Variants in EPB41L2 observed in about 807,000 individuals in gnomAD.
EPB41L2 encodes the protein erythrocyte membrane protein band 4.1 like 2.
EPB41L2 carries 43 observed loss-of-function variants against 113.0 expected under a neutral mutation model. The observed-to-expected ratio is 0.38, with a 90% confidence interval of 0.30 to 0.49. EPB41L2 has a LOEUF of 0.49. Ranked by LOEUF, EPB41L2 falls within the 20% of genes least tolerant of loss-of-function variation. The pLI is 0.95. For synonymous variants in EPB41L2, 442 were observed against 436.7 expected (o/e 1.01, Z -0.15); for missense variants, 1,147 against 1,223.4 (o/e 0.94, Z 0.93).
intron 1 of EPB41L2, among the ~76,000 whole-genome samples, chr6:131,027,221 GT>G (rs534725047): frequency 2.6e-5 from 4 of 152,070 alleles, no homozygotes; most frequent in Admixed American, 1.3e-4. Flanking sequence ...GGAGTTATTG[GT>G]TTTTTTGTTT....
intron 4 of EPB41L2, among the ~76,000 whole-genome samples, chr6:130,922,751 A>G (rs1001542761): frequency 8.5e-5 from 13 of 152,214 alleles, no homozygotes; most frequent in African/African-American, 2.6e-4. Context: ...GAATATTTGC[A>G]AGGTAAAAGC....
At chr6:130,976,542 T>C (rs1778247887) in intron 1 of EPB41L2, among the ~76,000 whole-genome samples, 1 of 152,188 alleles carries the variant, frequency 6.6e-6, no homozygotes, top group African/African-American at 2.4e-5. Flanking sequence ...CCCAGATTTT[T>C]ACAAGGGGTA....
intron 4 of EPB41L2, 126 bp from the exon 5 acceptor site, chr6:130,908,989 C>G: frequency 1.5e-6 from 1 of 689,596 alleles, no homozygotes; most frequent in African/African-American, 1.8e-5. Flanking sequence ...GCAACTTGCA[C>G]CTATCAGCAT....
In EPB41L2 at chr6:130,955,239, T is replaced by C; in HGVS notation, c.571A>G (p.Lys191Glu). ...QEDKLEGGAA[K>E]RETKEVQTNE... The stretch of plus-strand genomic sequence containing the variant: ...GTCTGCACTTCCTTGGTCTCCCTTT[T>C]TGCTGCTCCTCCTTCTAATTTGTCT... Residue 191 changes from lysine to glutamate, a missense_variant, in exon 3 of 20, where the codon AAA becomes GAA. Transcript: ENST00000337057. 6.2e-7 allele frequency: 1 copy of C among 1,614,176 alleles called. No homozygotes were observed. The highest frequency in any genetic ancestry group is 8.5e-7 in the Non-Finnish European group (1 of 1,180,018).
chr6:130,881,999 A>G (rs754326578), intron 12 of EPB41L2: 3 of 152,220 alleles, frequency 2.0e-5, no homozygotes, highest in Non-Finnish European at 2.9e-5. Context: ...TTACAGATAC[A>G]TCCTCATAGA....
At chr6:130,892,428 T>C (rs1793263653) in intron 10 of EPB41L2, among the ~76,000 whole-genome samples, 1 of 150,320 alleles carries the variant, frequency 6.7e-6, no homozygotes, top group African/African-American at 2.4e-5. Context: ...TTTTTATCAT[T>C]ATGTGACAGG....
intron 1 of EPB41L2, among the ~76,000 whole-genome samples, chr6:130,960,755 C>G (rs1217233215): frequency 1.3e-5 from 2 of 152,148 alleles, no homozygotes; most frequent in South Asian, 2.1e-4. Flanking sequence ...TACAGTACAT[C>G]CACTCACCCT....
At chr6:131,050,066 C>T (rs978172902) in intron 1 of EPB41L2, among the ~76,000 whole-genome samples, 1 of 152,164 alleles carries the variant, frequency 6.6e-6, no homozygotes, top group South Asian at 2.1e-4. Flanking sequence ...GGACCGGGTG[C>T]GGTGGCTCAC....
Position 130,869,880 on chromosome 6 carries a change from C to T in EPB41L2, c.2290G>A (p.Glu764Lys), listed in dbSNP as rs565716598. 2.5e-5 allele frequency: 40 copies of T among 1,612,938 alleles called. No individual in the cohort carries two copies. In the South Asian group the frequency reaches 2.7e-4, roughly 11 times the overall value. ...GEYRPHHRVT[E>K]GTIREEQEYE... ...TCCTGTTCCTCCCTGATGGTGCCCT[C>T]GGTCACTCGGTGGTGGGGACGGTAC... Residue 764 changes from glutamate to lysine, a missense_variant, in exon 15 of 20, where the codon GAG becomes AAG. Physicochemically the swap from Glu to Lys is moderately conservative, Grantham distance 56. Coordinates refer to ENST00000337057, the MANE Select transcript of EPB41L2 (RefSeq NM_001431.4).
At chr6:131,022,454 A>C (rs892096032) in intron 1 of EPB41L2, among the ~76,000 whole-genome samples, 2 of 152,146 alleles carry the variant, frequency 1.3e-5, no homozygotes, top group Admixed American at 1.3e-4. Context: ...AAATCTTCAC[A>C]AAGTCTCTTA....
At chr6:130,996,080 C>T (rs748566433) in intron 1 of EPB41L2, among the ~76,000 whole-genome samples, 5 of 152,320 alleles carry the variant, frequency 3.3e-5, no homozygotes, top group Admixed American at 2.0e-4. Context: ...GAGGGACTGG[C>T]CCCAGTATCT....
chr6:130,847,883 G>A (rs933298530), intron 19 of EPB41L2, among the ~76,000 whole-genome samples: 14 of 152,198 alleles, frequency 9.2e-5, no homozygotes, highest in South Asian at 2.1e-4. Flanking sequence ...ATGAACTATG[G>A]TCAGGCTCCA....
chr6:131,011,522 A>G (rs6907809), intron 1 of EPB41L2, among the ~76,000 whole-genome samples: 45,242 of 152,152 alleles, frequency 0.3, 7,359 homozygotes, highest in East Asian at 0.45. Flanking sequence ...TTCTATTTAC[A>G]AATCAACACT....
chr6:131,062,735 G>A (rs1798933594), intron 1 of EPB41L2, among the ~76,000 whole-genome samples: 1 of 151,844 alleles, frequency 6.6e-6, no homozygotes, highest in Non-Finnish European at 1.5e-5. Context: ...GTTGCTCCAC[G>A]GGGCCCGGAC....
At chr6:130,994,057 A>G (rs991933767) in intron 1 of EPB41L2, among the ~76,000 whole-genome samples, 3 of 152,206 alleles carry the variant, frequency 2.0e-5, no homozygotes, top group Admixed American at 2.0e-4. Context: ...TATGGTACAC[A>G]CATTCACAAA....
chr6:130,926,918 G>A (rs570060809), intron 3 of EPB41L2, among the ~76,000 whole-genome samples: 13 of 152,066 alleles, frequency 8.5e-5, no homozygotes, highest in Non-Finnish European at 1.2e-4. Flanking sequence ...TGAAACAAAA[G>A]CATAAGCAAG....
intron 1 of EPB41L2, among the ~76,000 whole-genome samples, chr6:130,994,155 A>G (rs1782535968): frequency 6.6e-6 from 1 of 152,206 alleles, no homozygotes; most frequent in Non-Finnish European, 1.5e-5. Flanking sequence ...TGGCAGAGTA[A>G]GCAGGATGCT....
chr6:130,922,211 A>T (rs1021014770), intron 4 of EPB41L2, among the ~76,000 whole-genome samples: 1 of 152,242 alleles, frequency 6.6e-6, no homozygotes, highest in Non-Finnish European at 1.5e-5. Context: ...ACCATCACAG[A>T]ATCACCATCA....
At chr6:130,934,195 T>C (rs898612503) in intron 3 of EPB41L2, among the ~76,000 whole-genome samples, 1 of 152,118 alleles carries the variant, frequency 6.6e-6, no homozygotes, top group Admixed American at 6.5e-5. Context: ...TTCTTACCAA[T>C]CTAAGGGAGC....
Sources: gnomAD v4.1 joint callset for allele counts (sites outside exome capture counted in the v4.1 genomes callset) on GRCh38, gnomAD v4.1.1 for gene constraint, MANE v1.5 for transcripts, NCBI Gene and HGNC (gene_info 2026-07-23, HGNC 2026-07-21) for gene names.